Variants in ALG14 observed in about 807,000 individuals in gnomAD.
The protein encoded by ALG14 is UDP-N-acetylglucosamine transferase subunit ALG14.
ALG14 carries 17 observed loss-of-function variants against 22.8 expected under a neutral mutation model. That is an observed-to-expected ratio of 0.75 (90% CI 0.51 to 1.12). The LOEUF (loss-of-function observed/expected upper bound fraction) is 1.12, where lower values mean the gene tolerates loss of function less well. ALG14 is among the 50% of genes most tolerant of loss of function. ALG14 has a pLI of 0.00. For missense variants in ALG14, 288 were observed against 271.8 expected, an observed-to-expected ratio of 1.06 and a Z score of -0.42; for synonymous variants, 89 against 103.7, an observed-to-expected ratio of 0.86 and a Z score of 0.86.
At chr1:95,058,193 G>A (rs1675002369) in intron 2 of ALG14, among the ~76,000 whole-genome samples, 1 of 144,692 alleles carries the variant, frequency 6.9e-6, no homozygotes. Context: ...GGCTGAGGCA[G>A]GAGAATTGCT....
chr1:95,051,116 G>C (rs994704486), intron 2 of ALG14, among the ~76,000 whole-genome samples: 4 of 152,028 alleles, frequency 2.6e-5, no homozygotes, highest in Non-Finnish European at 4.4e-5. Context: ...TTATAGACCA[G>C]ACTTCCCTTC....
intron 1 of ALG14, among the ~76,000 whole-genome samples, chr1:95,070,611 CGCTTTGT>C (rs1557661196): frequency 6.6e-6 from 1 of 152,238 alleles, no homozygotes; most frequent in Non-Finnish European, 1.5e-5. Flanking sequence ...CCCAATCTCA[CGCTTTGT>C]GCTTGAATAA....
chr1:95,043,764 G>C (rs1274329468), intron 2 of ALG14, among the ~76,000 whole-genome samples: 1 of 151,996 alleles, frequency 6.6e-6, no homozygotes, highest in Non-Finnish European at 1.5e-5. Context: ...AGAAGGAAAG[G>C]AGAAGGAGCG....
intron 1 of ALG14, among the ~76,000 whole-genome samples, chr1:95,068,225 T>A (rs1177129910): frequency 6.6e-6 from 1 of 152,224 alleles, no homozygotes; most frequent in Non-Finnish European, 1.5e-5. Flanking sequence ...AATCTAACAT[T>A]TGCCTAAGAA....
intron 2 of ALG14, among the ~76,000 whole-genome samples, chr1:95,028,635 T>C (rs907111843): frequency 4.6e-5 from 7 of 151,922 alleles, no homozygotes; most frequent in Non-Finnish European, 1.0e-4. Flanking sequence ...CTGGCCAACA[T>C]GGTGAAACCC....
In ALG14 at chr1:95,007,695, A is replaced by G. The variant is rs529151043; in HGVS notation, c.420+19434T>C. ...GCTAGGGGCCCCATAAACCACAGCA[A>G]TACCACCCACTGGTTTGAACTTATG... On this transcript the variant is annotated intron_variant, in intron 3 of 3. Coordinates refer to ENST00000370205, the MANE Select transcript of ALG14 (RefSeq NM_144988.4). Among the ~76,000 whole-genome samples, 3 of 152,358 alleles carry G rather than the reference A, an allele frequency of 2.0e-5. No homozygotes were observed. In the East Asian group the frequency reaches 5.8e-4, roughly 29 times the overall value.
intron 2 of ALG14, among the ~76,000 whole-genome samples, chr1:95,054,548 A>C (rs1002454556): frequency 1.3e-5 from 2 of 152,246 alleles, no homozygotes; most frequent in Non-Finnish European, 2.9e-5. Context: ...ATAGCAATGC[A>C]AAAATGACTA....
chr1:94,996,784 C>T (rs1390243901), intron 3 of ALG14, among the ~76,000 whole-genome samples: 3 of 152,128 alleles, frequency 2.0e-5, no homozygotes, highest in Non-Finnish European at 4.4e-5. Context: ...CATGTTCAAG[C>T]GATTCTCCTG....
intron 3 of ALG14, among the ~76,000 whole-genome samples, chr1:95,019,638 T>C (rs1480200096): frequency 2.0e-5 from 3 of 152,172 alleles, no homozygotes; most frequent in Non-Finnish European, 4.4e-5. Context: ...TGCTGTAAAA[T>C]GCTGTCCTGG....
chr1:95,019,410 C>G (rs1450200039), intron 3 of ALG14, among the ~76,000 whole-genome samples: 1 of 152,180 alleles, frequency 6.6e-6, no homozygotes. Flanking sequence ...TTACATTCCT[C>G]ACCCAATAAT....
rs773621424 is a variant in ALG14, at chr1:95,027,099, T to C, written c.420+30A>G. ...AACGAAAGATCTACAGGGAGTTACT[T>C]TCTCTCTCCTTAGTGATGGTCTTAC... is the stretch of plus-strand genomic sequence containing the variant. On this transcript the variant is annotated intron_variant, in intron 3 of 3. Coordinates refer to ENST00000370205, the MANE Select transcript of ALG14 (RefSeq NM_144988.4). 1.4e-5 allele frequency: 23 copies of C among 1,611,908 alleles called. No individual in the cohort carries two copies. The South Asian group carries it at 2.2e-4, about 15-fold the overall frequency.
chr1:95,012,143 G>C (rs1363836774), intron 3 of ALG14, among the ~76,000 whole-genome samples: 1 of 152,192 alleles, frequency 6.6e-6, no homozygotes, highest in African/African-American at 2.4e-5. Context: ...CCATGATTGA[G>C]AGGCCTCCCC....
At chr1:94,984,945 C>CT (rs970715927) in intron 3 of ALG14, among the ~76,000 whole-genome samples, 21 of 150,840 alleles carry the variant, frequency 1.4e-4, no homozygotes, top group African/African-American at 3.9e-4. Context: ...TCTTTTTTTT[C>CT]TTTTTTTTGT....
At chr1:95,053,798 T>C (rs537654633) in intron 2 of ALG14, among the ~76,000 whole-genome samples, 1 of 152,288 alleles carries the variant, frequency 6.6e-6, no homozygotes, top group African/African-American at 2.4e-5. Flanking sequence ...ACTTGAACAA[T>C]GCAGTAAACA....
At chr1:95,000,602 T>C (rs1022620300) in intron 3 of ALG14, among the ~76,000 whole-genome samples, 1 of 150,582 alleles carries the variant, frequency 6.6e-6, no homozygotes, top group African/African-American at 2.4e-5. Flanking sequence ...GGTGATCATT[T>C]AGGTACAACC....
intron 2 of ALG14, among the ~76,000 whole-genome samples, chr1:95,042,274 C>T (rs1674403086): frequency 6.6e-6 from 1 of 151,460 alleles, no homozygotes; most frequent in Admixed American, 6.6e-5. Context: ...TCAAAGCACT[C>T]ATTGTCCTTT....
chr1:94,983,892 C>G (rs2100710236), intron 3 of ALG14, among the ~76,000 whole-genome samples: 1 of 152,038 alleles, frequency 6.6e-6, no homozygotes, highest in East Asian at 1.9e-4. Context: ...CAGGCGCCCG[C>G]CACCACACCC....
At chr1:94,994,853 T>C (rs762592395) in intron 3 of ALG14, among the ~76,000 whole-genome samples, 5 of 152,204 alleles carry the variant, frequency 3.3e-5, no homozygotes, top group Non-Finnish European at 5.9e-5. Flanking sequence ...AATAGAGATA[T>C]CAGTAGCAGA....
At chr1:95,060,282 G>A (rs1056510186) in intron 2 of ALG14, among the ~76,000 whole-genome samples, 4 of 151,340 alleles carry the variant, frequency 2.6e-5, no homozygotes, top group Non-Finnish European at 5.9e-5. Context: ...CATGAGTAGA[G>A]GCTCTTTTAG....
Sources: allele counts gnomAD v4.1 joint callset (sites outside exome capture counted in the v4.1 genomes callset), GRCh38; gene constraint gnomAD v4.1.1; transcripts MANE v1.5; gene names NCBI Gene and HGNC (gene_info 2026-07-23, HGNC 2026-07-21).